The following SPAG16 variants were observed in gnomAD, a reference collection of about 807,000 sequenced individuals.
The protein encoded by SPAG16 is sperm associated antigen 16.
SPAG16 carries 86 observed loss-of-function variants against 80.4 expected under a neutral mutation model. The observed-to-expected ratio is 1.07, with a 90% CI of 0.90 to 1.28. The LOEUF is 1.28. SPAG16 is among the 50% of genes most tolerant of loss of function. The pLI is 0.00. For missense variants in SPAG16, 870 were observed against 765.3 expected, an observed-to-expected ratio of 1.14 and a Z score of -1.61; for synonymous variants, 294 against 265.9, an observed-to-expected ratio of 1.11 and a Z score of -1.03.
At chr2:213,701,436 T>C (rs113819347) in intron 10 of SPAG16, among the ~76,000 whole-genome samples, 5,611 of 152,188 alleles carry the variant, frequency 0.037, 346 homozygotes, top group African/African-American at 0.13. Flanking sequence ...GCCTCCTCGG[T>C]CTCGGTGTCC....
chr2:213,841,194 A>T (rs2074348478), intron 10 of SPAG16, among the ~76,000 whole-genome samples: 1 of 152,194 alleles, frequency 6.6e-6, no homozygotes, highest in South Asian at 2.1e-4. Context: ...TGTATGTCAC[A>T]ACCCACCCCT....
At chr2:213,397,906 G>A (rs539075644) in intron 9 of SPAG16, among the ~76,000 whole-genome samples, 1 of 152,098 alleles carries the variant, frequency 6.6e-6, no homozygotes, top group African/African-American at 2.4e-5. Flanking sequence ...CTGAACTCTA[G>A]TTTCATATAT....
chr2:213,663,045 A>G (rs920448529), intron 10 of SPAG16, among the ~76,000 whole-genome samples: 17 of 152,116 alleles, frequency 1.1e-4, no homozygotes, highest in East Asian at 7.7e-4. Context: ...ATGGACATCA[A>G]TCTGAAATCT....
intron 14 of SPAG16, among the ~76,000 whole-genome samples, chr2:214,139,477 C>T (rs1189041872): frequency 1.3e-5 from 2 of 151,756 alleles, no homozygotes; most frequent in Non-Finnish European, 2.9e-5. Flanking sequence ...TTTAATTTTG[C>T]TTCTCATTCA....
intron 10 of SPAG16, among the ~76,000 whole-genome samples, chr2:213,766,151 A>G (rs990728399): frequency 5.3e-5 from 8 of 152,250 alleles, no homozygotes; most frequent in African/African-American, 1.9e-4. Context: ...ATAAAATGCC[A>G]TGTATTGTAT....
At chr2:213,643,915 G>A (rs535442015) in intron 10 of SPAG16, among the ~76,000 whole-genome samples, 21 of 150,560 alleles carry the variant, frequency 1.4e-4, no homozygotes, top group Admixed American at 1.3e-3. Flanking sequence ...TGAGAAGCTG[G>A]GATTACAGGC....
chr2:213,284,519 G>T lies in SPAG16; in HGVS notation c.36G>T (p.Val12=). 1 of 1,590,310 alleles carries T rather than the reference G, an allele frequency of 6.3e-7. No homozygotes were observed. Among genetic ancestry groups the T allele is most frequent in the Non-Finnish European group, 8.6e-7 (1 of 1,168,866 alleles). The change falls in exon 1 of 16, where the codon GTG becomes GTT. Residue 12 remains valine (V), a synonymous_variant. Coordinates refer to ENST00000331683, the MANE Select transcript of SPAG16 (RefSeq NM_024532.5). ...AAQRGMPSSA[V]RVLEEALGMG... ...AGCGAGGGATGCCCAGCTCCGCCGT[G>T]AGGGTCCTGGAAGAGGCGTTGGGCA...
At chr2:213,471,674 A>G (rs1009599293) in intron 9 of SPAG16, among the ~76,000 whole-genome samples, 1 of 152,194 alleles carries the variant, frequency 6.6e-6, no homozygotes, top group Non-Finnish European at 1.5e-5. Flanking sequence ...CATATGGCCC[A>G]AGTGGCAGAG....
At chr2:214,182,806 G>T (rs1413746758) in intron 15 of SPAG16, among the ~76,000 whole-genome samples, 1 of 151,762 alleles carries the variant, frequency 6.6e-6, no homozygotes, top group Non-Finnish European at 1.5e-5. Context: ...TCACTTTATT[G>T]TACATAAATA....
intron 12 of SPAG16, among the ~76,000 whole-genome samples, chr2:213,996,574 T>TC: frequency 6.7e-6 from 1 of 148,468 alleles, no homozygotes; most frequent in East Asian, 2.0e-4. Context: ...TCTTTTTTTT[T>TC]TTTTTTTTTT....
intron 9 of SPAG16, among the ~76,000 whole-genome samples, chr2:213,484,617 G>A (rs1047372095): frequency 2.6e-5 from 4 of 151,826 alleles, no homozygotes; most frequent in African/African-American, 4.8e-5. Context: ...CTTTTAATAC[G>A]GTGTTTATTT....
At chr2:214,302,592 T>C (rs1337772478) in intron 15 of SPAG16, among the ~76,000 whole-genome samples, 1 of 152,220 alleles carries the variant, frequency 6.6e-6, no homozygotes, top group Non-Finnish European at 1.5e-5. Context: ...GCGATTCTCC[T>C]GCCTCAGCCT....
intron 10 of SPAG16, among the ~76,000 whole-genome samples, chr2:213,685,305 TAAG>T (rs1239489536): frequency 6.6e-6 from 1 of 152,114 alleles, no homozygotes; most frequent in Non-Finnish European, 1.5e-5. Context: ...CGTGTTCTTG[TAAG>T]AAGGAGAAAG....
chr2:213,499,465 T>G (rs1227459717), intron 10 of SPAG16, among the ~76,000 whole-genome samples: 2 of 152,136 alleles, frequency 1.3e-5, no homozygotes, highest in African/African-American at 4.8e-5. Context: ...ACTTAATATG[T>G]GTTGAAAGAA....
At chr2:213,740,119 T>G (rs2067477688) in intron 10 of SPAG16, among the ~76,000 whole-genome samples, 1 of 152,128 alleles carries the variant, frequency 6.6e-6, no homozygotes, top group African/African-American at 2.4e-5. Flanking sequence ...CATTACACAT[T>G]ACATATATAC....
intron 15 of SPAG16, among the ~76,000 whole-genome samples, chr2:214,306,650 A>C (rs1248566402): frequency 6.6e-6 from 1 of 151,922 alleles, no homozygotes; most frequent in African/African-American, 2.4e-5. Context: ...TTTTGTCTTT[A>C]GTTCTGTTTA....
At chr2:213,344,383 T>A (rs2064853273) in intron 6 of SPAG16, among the ~76,000 whole-genome samples, 1 of 152,036 alleles carries the variant, frequency 6.6e-6, no homozygotes, top group African/African-American at 2.4e-5. Flanking sequence ...GGAGTTTTTT[T>A]CTTTTTTTTT....
At chr2:213,550,753 G>A (rs1472039457) in intron 10 of SPAG16, among the ~76,000 whole-genome samples, 3 of 152,012 alleles carry the variant, frequency 2.0e-5, no homozygotes, top group South Asian at 2.1e-4. Context: ...TGGCTATGGG[G>A]AATAAAAAAT....
chr2:214,248,185 A>G (rs772809091), intron 15 of SPAG16, among the ~76,000 whole-genome samples: 20 of 151,834 alleles, frequency 1.3e-4, no homozygotes, highest in Non-Finnish European at 2.4e-4. Flanking sequence ...AAATATTGAC[A>G]CTATGCATCT....
Sources: gnomAD v4.1 joint callset for allele counts (sites outside exome capture counted in the v4.1 genomes callset) on GRCh38, gnomAD v4.1.1 for gene constraint, MANE v1.5 for transcripts, NCBI Gene and HGNC (gene_info 2026-07-23, HGNC 2026-07-21) for gene names.